Variants in TGFB1I1 observed in about 807,000 individuals in gnomAD.
TGFB1I1 encodes transforming growth factor beta 1 induced transcript 1.
In TGFB1I1, 33 loss-of-function variants were observed where a neutral mutation model predicts 52.0. The observed-to-expected ratio is 0.63, with a 90% CI of 0.48 to 0.85. TGFB1I1 has a LOEUF of 0.85. Ranked by LOEUF, TGFB1I1 falls within the 40% of genes least tolerant of loss-of-function variation. The pLI is 0.00. For synonymous variants in TGFB1I1, 236 were observed against 253.3 expected (o/e 0.93, Z 0.65); for missense variants, 577 against 614.9 (o/e 0.94, Z 0.65).
At position 31,477,566 on chromosome 16, in the gene TGFB1I1, T is replaced by C; in HGVS notation, c.1376T>C (p.Leu459Pro). 1 of 1,604,578 alleles carries C rather than the reference T, an allele frequency of 6.2e-7. No individual in the cohort carries two copies. The highest frequency in any genetic ancestry group is 8.5e-7 in the Non-Finnish European group (1 of 1,176,390). Residue 459 changes from leucine to proline, a missense_variant, in exon 11 of 11, where the codon CTC becomes CCC. Physicochemically the swap from Leu to Pro is moderately conservative, Grantham distance 98 (BLOSUM62 -3). Around this residue, in one of 3 missense-constraint regions of TGFB1I1, gnomAD observed 456 missense variants for 461.6 expected, o/e 0.99. Coordinates refer to ENST00000394863, the MANE Select transcript of TGFB1I1 (RefSeq NM_001042454.3). This position sits in a 1 kb window ranked among gnomAD's most constrained non-coding sequence, Gnocchi z 4.7. ...KPYCQPCFLK[L>P]FG ...TACTGCCAGCCCTGCTTCCTGAAGCTCTTCGGCTGACAGCCCGCTCGGCTC... is the reference window on the plus strand; with the variant it reads ...TACTGCCAGCCCTGCTTCCTGAAGCCCTTCGGCTGACAGCCCGCTCGGCTC...
rs376468273 is a variant in TGFB1I1, at chr16:31,476,588, T to G, written c.970+26T>G. 16 of 1,603,880 alleles carry G rather than the reference T, an allele frequency of 1.0e-5. No individual in the cohort carries two copies. In the East Asian group the frequency reaches 2.7e-4, roughly 27 times the overall value. On this transcript the variant is annotated intron_variant, in intron 9 of 10. Transcript: ENST00000394863. The surrounding 1 kb of genome is among the most constrained non-coding windows in gnomAD (Gnocchi z 7.6). ...GTGAGAGTGAACTCGACTCCCATCT[T>G]AAAAGCTGCGGGTCCCCTCGACGTC...
intron 1 of TGFB1I1, chr16:31,473,014 G>T (rs969875107): frequency 1.7e-5 from 3 of 175,060 alleles, no homozygotes; most frequent in Admixed American, 6.1e-5. Flanking sequence ...AGCCCAGGGC[G>T]GGACTCAGGG....
In TGFB1I1 at chr16:31,477,497, G is replaced by A; in HGVS notation, c.1307G>A (p.Arg436His). The change falls in exon 11 of 11, where the codon CGC (arginine) becomes CAC (histidine). Residue 436 changes from arginine to histidine, a missense_variant. This residue lies in a region of TGFB1I1 where 456 missense variants were observed against 461.6 expected (regional missense o/e 0.99). Transcript: ENST00000394863. The surrounding 1 kb of genome is among the most constrained non-coding windows in gnomAD (Gnocchi z 4.7). Reference sequence around the variant, plus strand: ...CACTTCACATGCACCTTCTGCCTGCGCCCGCTCACCAAGGGGTCCTTCCAG... The same window carrying A: ...CACTTCACATGCACCTTCTGCCTGCACCCGCTCACCAAGGGGTCCTTCCAG... ...PDHFTCTFCLRPLTKGSFQER... is the reference protein window; with the variant it reads ...PDHFTCTFCLHPLTKGSFQER... The A allele has an allele frequency of 1.2e-6, 2 of 1,608,356 alleles. No individual in the cohort carries two copies. Among genetic ancestry groups the A allele is most frequent in the Non-Finnish European group, 1.7e-6 (2 of 1,177,970 alleles).
At position 31,476,197 on chromosome 16, in the gene TGFB1I1, C is replaced by A; in HGVS notation, c.888+12C>A. On this transcript the variant is annotated intron_variant, in intron 8 of 10. Transcript: ENST00000394863. The surrounding 1 kb of genome is among the most constrained non-coding windows in gnomAD (Gnocchi z 7.6). The stretch of plus-strand genomic sequence containing the variant: ...AGCCCATCCGACACGTGAGCCCCGC[C>A]CGGCCGCACCGAGCCCGCCCTATCT... 6.2e-7 allele frequency: 1 copy of A among 1,608,090 alleles called. No homozygotes were observed.
In TGFB1I1 at chr16:31,474,457, T is replaced by A. The variant is rs2082410680; in HGVS notation, c.519+2T>A. ...TCTGACTTCCGCGTTCAAAACCATG[T>A]GAGTTGGGCAGTGGGCCAGTGTCCA... On this transcript the variant is annotated splice_donor_variant, in intron 6 of 10. Coordinates refer to ENST00000394863, the MANE Select transcript of TGFB1I1 (RefSeq NM_001042454.3). LOFTEE classifies it high-confidence loss of function. This position sits in a 1 kb window ranked among gnomAD's most constrained non-coding sequence, Gnocchi z 4.2. 6.2e-7 allele frequency: 1 copy of A among 1,614,166 alleles called. No individual in the cohort carries two copies. Among genetic ancestry groups the A allele is most frequent in the African/African-American group, 1.3e-5 (1 of 75,068 alleles).
rs1831071586 is a variant in TGFB1I1, at chr16:31,474,913, C to A, written c.714+156C>A. 4 of 741,596 alleles carry A rather than the reference C, an allele frequency of 5.4e-6. No homozygotes were observed. Among genetic ancestry groups the A allele is most frequent in the Admixed American group, 2.7e-5 (1 of 36,492 alleles). The allele number at this position is 741,596 out of a possible 1,614,324, so 45.9% of individuals were successfully genotyped here. On this transcript the variant is annotated intron_variant, in intron 7 of 10. Coordinates refer to ENST00000394863, the MANE Select transcript of TGFB1I1 (RefSeq NM_001042454.3). This position sits in a 1 kb window ranked among gnomAD's most constrained non-coding sequence, Gnocchi z 4.2. ...TGGATGAGGAAACTGAAGCTCTGAA[C>A]CACACAGCAGGTTAGTGGTAGGGTG...
chr16:31,473,211 T>A, intron 1 of TGFB1I1: 1 of 1,343,012 alleles, frequency 7.4e-7, no homozygotes, highest in Non-Finnish European at 9.6e-7. Context: ...ATGGGGAGAA[T>A]AAAATAATCA....
chr16:31,474,235 A>G lies in TGFB1I1; in HGVS notation c.409A>G (p.Ser137Gly). Residue 137 changes from serine to glycine, a missense_variant, in exon 5 of 11, where the codon AGC becomes GGC. Physicochemically the swap from Ser to Gly is moderately conservative, Grantham distance 56. This residue lies in a region of TGFB1I1 where 456 missense variants were observed against 461.6 expected (regional missense o/e 0.99). Transcript: ENST00000394863. The surrounding 1 kb of genome is among the most constrained non-coding windows in gnomAD (Gnocchi z 4.2). ...CCAGTCTGAAGATAAGAAAAGACCC[A>G]GCCTGTGAGTTTGGCGTCGTTGTCA... ...EDQSEDKKRP[S>G]LPSSPSPGLP... is the part of the protein sequence containing the mutation. 1 of 1,614,168 alleles carries G rather than the reference A, an allele frequency of 6.2e-7. No homozygotes were observed. Among genetic ancestry groups the G allele is most frequent in the Non-Finnish European group, 8.5e-7 (1 of 1,180,018 alleles).
chr16:31,472,200 G>A lies in TGFB1I1; in HGVS notation c.12G>A (p.Leu4=), dbSNP rs1178867783. MED[L]DALLSDLETT... Reference sequence around the variant, plus strand: ...GCCCGCGCCCCGCCATGGAGGACCTGGGTGAGTGGGGCCGGATCCCCGGGT... The same window carrying A: ...GCCCGCGCCCCGCCATGGAGGACCTAGGTGAGTGGGGCCGGATCCCCGGGT... The change falls in exon 1 of 11, where the codon CTG becomes CTA. Residue 4 remains leucine, a splice_region_variant and synonymous_variant. Coordinates refer to ENST00000394863, the MANE Select transcript of TGFB1I1 (RefSeq NM_001042454.3). The A allele has an allele frequency of 1.3e-6, 2 of 1,496,214 alleles. No individual in the cohort carries two copies. The highest frequency in any genetic ancestry group is 1.3e-5 in the South Asian group (1 of 79,890). The allele number at this position is 1,496,214 out of a possible 1,614,324, so 92.7% of individuals were successfully genotyped here. A position where few individuals can be genotyped will look rare whatever the true frequency, so the allele number is the denominator to read the frequency against.
In TGFB1I1 at chr16:31,473,815, G is replaced by A; in HGVS notation, c.183-20G>A. On this transcript the variant is annotated intron_variant, in intron 3 of 10. Coordinates refer to ENST00000394863, the MANE Select transcript of TGFB1I1 (RefSeq NM_001042454.3). ...TTGGATTCCCCACCCCTGAACCCAG[G>A]CTCCCACTCTGCTTCCCAGCACGGT... 6.2e-7 allele frequency: 1 copy of A among 1,613,132 alleles called. No individual in the cohort carries two copies.
At position 31,474,865 on chromosome 16, in the gene TGFB1I1, G is replaced by A; in HGVS notation, c.714+108G>A. ...TTTAGTAAGTTAATCTGGGAAGTGG[G>A]TATCATTATTACTTATGTTTTATGG... On this transcript the variant is annotated intron_variant, in intron 7 of 10. Transcript: ENST00000394863. The surrounding 1 kb of genome is among the most constrained non-coding windows in gnomAD (Gnocchi z 4.2). The A allele has an allele frequency of 1.9e-6, 2 of 1,043,294 alleles. No individual in the cohort carries two copies. Among genetic ancestry groups the A allele is most frequent in the Non-Finnish European group, 2.8e-6 (2 of 717,030 alleles). 64.6% of individuals were successfully genotyped at this position (1,043,294 alleles called of 1,614,324 possible). A position where few individuals can be genotyped will look rare whatever the true frequency, so the allele number is the denominator to read the frequency against.
In TGFB1I1 at chr16:31,474,716, AAAG is replaced by A. The variant is rs2082413607; in HGVS notation, c.674_676del (p.Lys225_Gly226delinsSer). 4 of 1,612,244 alleles carry A rather than the reference AAAG, an allele frequency of 2.5e-6. No individual in the cohort carries two copies. The African/African-American group carries it at 5.3e-5, about 22-fold the overall frequency. The stretch of plus-strand genomic sequence containing the variant: ...CCGCCGGGGTGTTCCCACCCAGGCC[AAAG>A]GCCTCTGTGGCTCCTGCAATAAACC... On this transcript the variant is annotated inframe_deletion, in exon 7 of 11. Transcript: ENST00000394863. This position sits in a 1 kb window ranked among gnomAD's most constrained non-coding sequence, Gnocchi z 4.2.
Position 31,476,186 on chromosome 16 carries a change from G to A in TGFB1I1, c.888+1G>A. The A allele has an allele frequency of 6.2e-7, 1 of 1,611,028 alleles. No individual in the cohort carries two copies. The highest frequency in any genetic ancestry group is 8.5e-7 in the Non-Finnish European group (1 of 1,179,336). The stretch of plus-strand genomic sequence containing the variant: ...CTTCTGCAACCAGCCCATCCGACAC[G>A]TGAGCCCCGCCCGGCCGCACCGAGC... On this transcript the variant is annotated splice_donor_variant, in intron 8 of 10. Transcript: ENST00000394863. LOFTEE classifies it high-confidence loss of function. The surrounding 1 kb of genome is among the most constrained non-coding windows in gnomAD (Gnocchi z 7.6).
At position 31,472,608 on chromosome 16, in the gene TGFB1I1, G is replaced by A. The variant is rs1205649600; in HGVS notation, c.13+407G>A. 2.2e-5 allele frequency: 4 copies of A among 179,082 alleles called. No individual in the cohort carries two copies. The East Asian group carries it at 5.0e-4, about 23-fold the overall frequency. The allele number at this position is 179,082 out of a possible 1,614,324, so 11.1% of individuals were successfully genotyped here. ...CCTGCACCAGAGTTTTGGGAGAGGA[G>A]GAGTTAAGGGCTCCTGAGCACAGTG... On this transcript the variant is annotated intron_variant, in intron 1 of 10. Coordinates refer to ENST00000394863, the MANE Select transcript of TGFB1I1 (RefSeq NM_001042454.3).
chr16:31,476,210 G>T lies in TGFB1I1; in HGVS notation c.888+25G>T. The T allele has an allele frequency of 6.2e-7, 1 of 1,603,388 alleles. No homozygotes were observed. On this transcript the variant is annotated intron_variant, in intron 8 of 10. Transcript: ENST00000394863. The surrounding 1 kb of genome is among the most constrained non-coding windows in gnomAD (Gnocchi z 7.6). ...CGTGAGCCCCGCCCGGCCGCACCGA[G>T]CCCGCCCTATCTCACCAGGAGAGCT... is the stretch of plus-strand genomic sequence containing the variant.
intron 7 of TGFB1I1, chr16:31,475,094 G>T: frequency 3.2e-6 from 1 of 310,120 alleles, no homozygotes; most frequent in South Asian, 3.1e-5. Flanking sequence ...CTCTTCCTCC[G>T]TCAGAGTCTG....
chr16:31,472,417 C>T, intron 1 of TGFB1I1: 1 of 924,250 alleles, frequency 1.1e-6, no homozygotes, highest in Non-Finnish European at 1.4e-6. Flanking sequence ...CGCTGTGCTC[C>T]TCCATCCCAG....
intron 7 of TGFB1I1, chr16:31,475,363 T>A (rs773273748): frequency 6.5e-6 from 1 of 153,140 alleles, no homozygotes; most frequent in Non-Finnish European, 1.5e-5. Flanking sequence ...TTATTGTGTA[T>A]TACAGCATTT....
chr16:31,473,388 C>T (rs1482437751), intron 1 of TGFB1I1, 53 bp from the exon 2 acceptor site: 3 of 1,577,176 alleles, frequency 1.9e-6, no homozygotes, highest in African/African-American at 1.3e-5. Context: ...GGAACCTTAT[C>T]TTCTGATCTA....
Sources: allele counts gnomAD v4.1 joint callset, GRCh38; gene constraint gnomAD v4.1.1; regional missense constraint gnomAD v4.1.1; non-coding constraint Gnocchi (gnomAD v3.1); transcripts MANE v1.5; gene names NCBI Gene and HGNC (gene_info 2026-07-23, HGNC 2026-07-21).